Variants in ADARB2 observed in about 807,000 individuals in gnomAD.
ADARB2 encodes the protein adenosine deaminase RNA specific B2 (inactive).
ADARB2 carries 25 observed loss-of-function variants against 62.2 expected under a neutral mutation model. That is an observed-to-expected ratio of 0.40 (90% CI 0.29 to 0.56). The LOEUF (loss-of-function observed/expected upper bound fraction) is 0.56. Ranked by LOEUF, ADARB2 falls within the 20% of genes least tolerant of loss-of-function variation. The probability of loss-of-function intolerance (pLI) is 0.43; values close to 1 mark genes in which losing one functional copy is unlikely to be tolerated. For missense variants in ADARB2, 1,071 were observed against 1,077.4 expected, an observed-to-expected ratio of 0.99 and a Z score of 0.08; for synonymous variants, 572 against 500.8, an observed-to-expected ratio of 1.14 and a Z score of -1.90.
intron 8 of ADARB2, among the ~76,000 whole-genome samples, chr10:1,188,961 G>A (rs1836800925): frequency 6.6e-6 from 1 of 152,208 alleles, no homozygotes; most frequent in Admixed American, 6.5e-5. Flanking sequence ...CCCACGCTGG[G>A]GCCCAGCCCT....
At chr10:1,487,216 A>G (rs1356019825) in intron 1 of ADARB2, among the ~76,000 whole-genome samples, 1 of 152,250 alleles carries the variant, frequency 6.6e-6, no homozygotes. Flanking sequence ...ACTCAGGTGA[A>G]GGGTTGTCAA....
In ADARB2 at chr10:1,184,791, A is replaced by G. The variant is rs1270900318; in HGVS notation, c.2043+70T>C. ...GCAGACCAAGTGTTGGCCTCTCCCA[A>G]GAGCTTGCTCAGGGCTGGAGCCAGG... On this transcript the variant is annotated intron_variant, in intron 9 of 9. Transcript: ENST00000381312. 11 of 1,536,296 alleles carry G rather than the reference A, an allele frequency of 7.2e-6. 1 individual carries two copies. In the Admixed American group the frequency reaches 1.1e-4, roughly 16 times the overall value.
intron 1 of ADARB2, among the ~76,000 whole-genome samples, chr10:1,476,540 A>G (rs1053489005): frequency 3.3e-5 from 5 of 152,298 alleles, no homozygotes; most frequent in African/African-American, 9.6e-5. Flanking sequence ...CGCATCTGCC[A>G]GGTGGTTATT....
chr10:1,387,860 A>C (rs1832537948), intron 1 of ADARB2, among the ~76,000 whole-genome samples: 1 of 152,074 alleles, frequency 6.6e-6, no homozygotes, highest in Admixed American at 6.5e-5. Flanking sequence ...ATATTAGCAA[A>C]TCAAGTTCAT....
At chr10:1,323,873 ACCAT>A (rs545429841) in intron 3 of ADARB2, among the ~76,000 whole-genome samples, 22 of 152,354 alleles carry the variant, frequency 1.4e-4, no homozygotes, top group African/African-American at 4.6e-4. Context: ...TACCAAAAGC[ACCAT>A]CCATAAAAGG....
At chr10:1,546,597 C>T (rs1177267608) in intron 1 of ADARB2, among the ~76,000 whole-genome samples, 1 of 152,228 alleles carries the variant, frequency 6.6e-6, no homozygotes, top group South Asian at 2.1e-4. Context: ...TCCTGGGTCT[C>T]ATCTGAGACA....
intron 3 of ADARB2, among the ~76,000 whole-genome samples, chr10:1,349,341 C>T (rs369081286): frequency 1.3e-5 from 2 of 152,082 alleles, no homozygotes; most frequent in Non-Finnish European, 2.9e-5. Flanking sequence ...GGACTCAGCC[C>T]GCCTGCAACC....
At chr10:1,390,987 A>G (rs1343500349) in intron 1 of ADARB2, among the ~76,000 whole-genome samples, 1 of 152,178 alleles carries the variant, frequency 6.6e-6, no homozygotes, top group Admixed American at 6.5e-5. Flanking sequence ...GATAGCCAAC[A>G]CCTGCTTTTT....
intron 1 of ADARB2, among the ~76,000 whole-genome samples, chr10:1,513,981 G>T (rs992970348): frequency 6.6e-6 from 1 of 151,548 alleles, no homozygotes; most frequent in Non-Finnish European, 1.5e-5. Flanking sequence ...CCAGCATTGT[G>T]GGATGCTGAG....
chr10:1,294,442 A>C (rs938252638), intron 3 of ADARB2, among the ~76,000 whole-genome samples: 2 of 152,060 alleles, frequency 1.3e-5, no homozygotes, highest in Admixed American at 1.3e-4. Context: ...GCACACTCTG[A>C]GTGTGTGCTG....
chr10:1,547,805 G>A (rs1263513771), intron 1 of ADARB2, among the ~76,000 whole-genome samples: 2 of 150,704 alleles, frequency 1.3e-5, no homozygotes, highest in Non-Finnish European at 3.0e-5. Context: ...GCAAGAGGCT[G>A]CACAGGTGTA....
At chr10:1,654,423 C>G (rs1564359424) in intron 1 of ADARB2, among the ~76,000 whole-genome samples, 1 of 152,200 alleles carries the variant, frequency 6.6e-6, no homozygotes, top group Non-Finnish European at 1.5e-5. Flanking sequence ...TCCTGGAGAC[C>G]ACCTAGACCC....
At chr10:1,248,569 C>T (rs555560700) in intron 4 of ADARB2, among the ~76,000 whole-genome samples, 1 of 152,316 alleles carries the variant, frequency 6.6e-6, no homozygotes, top group Admixed American at 6.5e-5. Context: ...CTGGCCGGTA[C>T]TCGGAGCCAG....
intron 3 of ADARB2, among the ~76,000 whole-genome samples, chr10:1,309,049 T>C (rs1328298027): frequency 1.3e-5 from 2 of 152,216 alleles, no homozygotes; most frequent in East Asian, 3.8e-4. Flanking sequence ...AACTGATGGA[T>C]ATTTAGACTA....
At chr10:1,543,878 TTCATCCCA>T (rs1832475779) in intron 1 of ADARB2, among the ~76,000 whole-genome samples, 1 of 152,008 alleles carries the variant, frequency 6.6e-6, no homozygotes, top group African/African-American at 2.4e-5. Context: ...AAATCTCAAG[TTCATCCCA>T]TCAAGTCAAT....
intron 1 of ADARB2, among the ~76,000 whole-genome samples, chr10:1,543,609 G>A (rs964664095): frequency 1.3e-5 from 2 of 152,116 alleles, no homozygotes. Context: ...GATTTCAACT[G>A]GAAAGGAAAC....
chr10:1,543,897 T>G (rs1832476083), intron 1 of ADARB2, among the ~76,000 whole-genome samples: 1 of 151,834 alleles, frequency 6.6e-6, no homozygotes, highest in African/African-American at 2.4e-5. Context: ...TCAAGTCAAT[T>G]TTGTCTGTAT....
rs535368653 is a variant in ADARB2, at chr10:1,631,779, G to T, written c.100+105272C>A. Among the ~76,000 whole-genome samples the T allele has an allele frequency of 5.3e-5, 8 of 152,280 alleles. No homozygotes were observed. In the South Asian group the frequency reaches 1.5e-3, roughly 28 times the overall value. On this transcript the variant is annotated intron_variant, in intron 1 of 9. Coordinates refer to ENST00000381312, the MANE Select transcript of ADARB2 (RefSeq NM_018702.4). ...GGTTCACAGTTAGGAAGGAAAATAT[G>T]TATTTTTTAAATGGTAATTTGTAAA...
chr10:1,516,256 C>T (rs537187350), intron 1 of ADARB2, among the ~76,000 whole-genome samples: 1 of 152,340 alleles, frequency 6.6e-6, no homozygotes, highest in East Asian at 1.9e-4. Flanking sequence ...TTCCCTCCAT[C>T]CTGACCCGAG....
Sources: allele counts gnomAD v4.1 joint callset (sites outside exome capture counted in the v4.1 genomes callset), GRCh38; gene constraint gnomAD v4.1.1; transcripts MANE v1.5; gene names NCBI Gene and HGNC (gene_info 2026-07-23, HGNC 2026-07-21).